CTNNA2: variants seen among roughly 807,000 people sequenced by gnomAD.
CTNNA2 encodes catenin alpha-2.
In CTNNA2, 42 loss-of-function variants were observed where a neutral mutation model predicts 101.0. The ratio of observed to expected loss-of-function variants is 0.42; its 90% CI spans 0.32 to 0.54. The LOEUF is 0.54. Ranked by LOEUF, CTNNA2 falls within the 20% of genes least tolerant of loss-of-function variation. The pLI, the probability that CTNNA2 is intolerant of heterozygous loss-of-function variation, is 0.14. For synonymous variants in CTNNA2, 450 were observed against 456.4 expected, an observed-to-expected ratio of 0.99 and a Z score of 0.18; for missense variants, 871 against 1,223.1, an observed-to-expected ratio of 0.71 and a Z score of 4.29.
chr2:80,097,099 C>T (rs1274597695), intron 7 of CTNNA2, among the ~76,000 whole-genome samples: 1 of 152,144 alleles, frequency 6.6e-6, no homozygotes, highest in Admixed American at 6.6e-5. Flanking sequence ...TTCTTCCTAG[C>T]CTTGATGGTC....
At chr2:80,571,596 A>T (rs1236662871) in intron 12 of CTNNA2, among the ~76,000 whole-genome samples, 1 of 152,172 alleles carries the variant, frequency 6.6e-6, no homozygotes, top group Non-Finnish European at 1.5e-5. Context: ...CACAGTTTTC[A>T]TTTGTGTATT....
chr2:79,611,695 G>A (rs1678285890), intron 1 of CTNNA2, among the ~76,000 whole-genome samples: 1 of 152,092 alleles, frequency 6.6e-6, no homozygotes, highest in Non-Finnish European at 1.5e-5. Context: ...ATTGCAATGC[G>A]TGTTCTGTTT....
chr2:79,758,235 A>G (rs1573892724), intron 3 of CTNNA2, among the ~76,000 whole-genome samples: 1 of 152,154 alleles, frequency 6.6e-6, no homozygotes, highest in African/African-American at 2.4e-5. Flanking sequence ...CTGTAATTCA[A>G]TCAAAAATGC....
At chr2:79,974,534 C>T (rs1574448481) in intron 7 of CTNNA2, among the ~76,000 whole-genome samples, 1 of 152,300 alleles carries the variant, frequency 6.6e-6, no homozygotes, top group Non-Finnish European at 1.5e-5. Context: ...TCTTCATCTT[C>T]AGTCTTCAAC....
At chr2:80,425,326 G>A (rs1043147765) in intron 9 of CTNNA2, among the ~76,000 whole-genome samples, 3 of 152,080 alleles carry the variant, frequency 2.0e-5, no homozygotes, top group African/African-American at 4.8e-5. Flanking sequence ...TGTTGTTGTT[G>A]TTTTTGTTGT....
intron 16 of CTNNA2, chr2:80,605,474 A>G (rs775701473): frequency 6.6e-6 from 1 of 152,002 alleles, no homozygotes; most frequent in Non-Finnish European, 1.5e-5. Context: ...ATACTGAAAG[A>G]GAATTGCATC....
intron 2 of CTNNA2, among the ~76,000 whole-genome samples, chr2:79,699,345 A>G (rs1430658804): frequency 6.6e-6 from 1 of 152,096 alleles, no homozygotes; most frequent in Admixed American, 6.6e-5. Context: ...TCATAAAAAC[A>G]TGTACCTCAT....
At chr2:80,435,367 G>T (rs1342812806) in intron 9 of CTNNA2, among the ~76,000 whole-genome samples, 1 of 152,080 alleles carries the variant, frequency 6.6e-6, no homozygotes, top group African/African-American at 2.4e-5. Flanking sequence ...ATTCTCAACA[G>T]TTTCTCTCCC....
At chr2:79,457,488 A>G (rs1670838262) in intron 4 of CTNNA2, among the ~76,000 whole-genome samples, 1 of 152,170 alleles carries the variant, frequency 6.6e-6, no homozygotes, top group Non-Finnish European at 1.5e-5. Context: ...TAAGTGGGTC[A>G]TTGGGGGGGA....
chr2:80,219,570 C>G (rs1002540817), intron 7 of CTNNA2, among the ~76,000 whole-genome samples: 1 of 152,116 alleles, frequency 6.6e-6, no homozygotes, highest in African/African-American at 2.4e-5. Flanking sequence ...GTCCAGACTA[C>G]TCACCAATCG....
chr2:79,236,168 T>G (rs1364407320), intron 2 of CTNNA2, among the ~76,000 whole-genome samples: 3 of 152,308 alleles, frequency 2.0e-5, no homozygotes, highest in Middle Eastern at 3.4e-3. Flanking sequence ...GGTTTTACCC[T>G]GTTGTCCAGT....
chr2:80,522,740 C>A (rs1417563451), intron 9 of CTNNA2, among the ~76,000 whole-genome samples: 2 of 152,134 alleles, frequency 1.3e-5, no homozygotes, highest in Non-Finnish European at 1.5e-5. Context: ...CTTTCCCCCT[C>A]ACCTTCCTCC....
intron 6 of CTNNA2, among the ~76,000 whole-genome samples, chr2:79,877,877 C>T (rs1456381856): frequency 3.3e-5 from 5 of 152,098 alleles, no homozygotes; most frequent in Admixed American, 3.3e-4. Context: ...CCAGGATACA[C>T]GTGCAAAATG....
chr2:79,698,828 A>G (rs1684809785), intron 2 of CTNNA2, among the ~76,000 whole-genome samples: 1 of 152,086 alleles, frequency 6.6e-6, no homozygotes, highest in South Asian at 2.1e-4. Flanking sequence ...CATTTTGGAA[A>G]CAGAAAATTA....
At chr2:80,142,916 A>C (rs1703101206) in intron 7 of CTNNA2, among the ~76,000 whole-genome samples, 1 of 149,708 alleles carries the variant, frequency 6.7e-6, no homozygotes, top group Admixed American at 6.6e-5. Context: ...TACCGTTGAC[A>C]ATGCCTCATA....
intron 1 of CTNNA2, among the ~76,000 whole-genome samples, chr2:79,601,177 G>A (rs1421735928): frequency 6.6e-6 from 1 of 152,148 alleles, no homozygotes; most frequent in Admixed American, 6.5e-5. Context: ...GCCTTGAAAT[G>A]TACATTTCCA....
rs529321774 is a variant in CTNNA2, at chr2:79,426,495, G to T, written c.-135+52482G>T. Among the ~76,000 whole-genome samples, 43 of 152,056 alleles carry T rather than the reference G, an allele frequency of 2.8e-4. 1 individual carries two copies. The highest frequency in any genetic ancestry group is 8.8e-5 in the Non-Finnish European group (6 of 67,994). Reference sequence around the variant, plus strand: ...CTCTTAATATGCTCCAGTTATAATAGCCAAAGCCTAATCCATACATCTCTA... The same window carrying T: ...CTCTTAATATGCTCCAGTTATAATATCCAAAGCCTAATCCATACATCTCTA... On this transcript the variant is annotated intron_variant, in intron 4 of 21. Transcript: ENST00000466387.
chr2:79,632,698 C>G (rs1399873407), intron 1 of CTNNA2, among the ~76,000 whole-genome samples: 3 of 152,194 alleles, frequency 2.0e-5, no homozygotes, highest in Non-Finnish European at 4.4e-5. Flanking sequence ...ACATTGCACT[C>G]CATTAAACAA....
chr2:79,187,481 G>T (rs529723934), intron 1 of CTNNA2, among the ~76,000 whole-genome samples: 61 of 151,820 alleles, frequency 4.0e-4, no homozygotes, highest in African/African-American at 1.4e-3. Flanking sequence ...TTTTAAATGT[G>T]TAACTAATAA....
Sources: gnomAD v4.1 joint callset for allele counts (sites outside exome capture counted in the v4.1 genomes callset) on GRCh38, gnomAD v4.1.1 for gene constraint, MANE v1.5 for transcripts, NCBI Gene and HGNC (gene_info 2026-07-23, HGNC 2026-07-21) for gene names.